The following ABLIM1 variants were observed in gnomAD, a reference collection of about 807,000 sequenced individuals.
ABLIM1 encodes the protein actin binding LIM protein 1.
A neutral mutation model predicts 107.0 loss-of-function variants in ABLIM1; 40 were observed. The observed-to-expected ratio is 0.37, with a 90% CI of 0.29 to 0.49. The LOEUF (loss-of-function observed/expected upper bound fraction) is 0.49, where lower values mean the gene tolerates loss of function less well. ABLIM1 is among the 20% of genes least tolerant of loss of function. ABLIM1 has a pLI of 0.97. For missense variants in ABLIM1, 857 were observed against 1,008.5 expected (o/e 0.85, Z 2.04); for synonymous variants, 357 against 357.3 (o/e 1.00, Z 0.01).
rs747877624 is a variant in ABLIM1, at chr10:114,658,106, G to A, written c.95C>T (p.Ser32Leu). The stretch of plus-strand genomic sequence containing the variant: ...CTCAACAATCAGTCTCTTTCTGTTC[G>A]AGCCCCTGGCACTGGTTCTCTCAGA... ...TSSERTSARGSNRKRLIVEDR... is the reference protein window; with the variant it reads ...TSSERTSARGLNRKRLIVEDR... Residue 32 changes from serine (S) to leucine (L), a missense_variant, in exon 1 of 23, where the codon TCG (serine) becomes TTG (leucine). Physicochemically the swap from Ser to Leu is moderately radical, Grantham distance 145. This residue lies in a region of ABLIM1 where 176 missense variants were observed against 173.5 expected (regional missense o/e 1.01). Coordinates refer to ENST00000533213, the MANE Select transcript of ABLIM1 (RefSeq NM_002313.7). 18 of 1,614,026 alleles carry A rather than the reference G, an allele frequency of 1.1e-5. No individual in the cohort carries two copies. Among genetic ancestry groups the A allele is most frequent in the East Asian group, 2.2e-5 (1 of 44,900 alleles).
chr10:114,566,787 G>A (rs747582525), intron 4 of ABLIM1, among the ~76,000 whole-genome samples: 1 of 152,148 alleles, frequency 6.6e-6, no homozygotes, highest in Non-Finnish European at 1.5e-5. Flanking sequence ...GGTGGCTCAC[G>A]CCTGTAATCC....
At chr10:114,452,234 TA>T (rs1293258060) in intron 13 of ABLIM1, among the ~76,000 whole-genome samples, 1 of 152,072 alleles carries the variant, frequency 6.6e-6, no homozygotes, top group East Asian at 1.9e-4. Flanking sequence ...CCAAATTTTT[TA>T]AAAAAAGAAT....
At chr10:114,490,498 A>G (rs1164380518) in intron 7 of ABLIM1, among the ~76,000 whole-genome samples, 1 of 152,260 alleles carries the variant, frequency 6.6e-6, no homozygotes, top group Non-Finnish European at 1.5e-5. Flanking sequence ...ATGTGCAAAG[A>G]GAAATCAAGA....
chr10:114,652,907 C>G (rs535301281), intron 1 of ABLIM1, among the ~76,000 whole-genome samples: 9 of 152,312 alleles, frequency 5.9e-5, no homozygotes, highest in African/African-American at 2.2e-4. Flanking sequence ...GAAATCTTTG[C>G]TAATTTTCCT....
At chr10:114,512,330 C>T (rs1201027241) in intron 6 of ABLIM1, among the ~76,000 whole-genome samples, 3 of 152,234 alleles carry the variant, frequency 2.0e-5, no homozygotes, top group African/African-American at 4.8e-5. Flanking sequence ...GACCAGTCTG[C>T]AGAGAAGCCA....
the ABLIM1 span, among the ~76,000 whole-genome samples, chr10:114,788,139 G>T: frequency 1.3e-5 from 2 of 151,512 alleles, no homozygotes; most frequent in African/African-American, 4.9e-5. Flanking sequence ...CAGCATGCTC[G>T]TTAAGAGTCA....
chr10:114,704,049 T>C (rs1410160248), intron 1 of ABLIM1, among the ~76,000 whole-genome samples: 1 of 152,124 alleles, frequency 6.6e-6, no homozygotes, highest in Non-Finnish European at 1.5e-5. Context: ...ATACTGGACT[T>C]ACACTCTCAT....
At chr10:114,639,650 T>C (rs1278764233) in intron 1 of ABLIM1, among the ~76,000 whole-genome samples, 1 of 152,228 alleles carries the variant, frequency 6.6e-6, no homozygotes, top group Non-Finnish European at 1.5e-5. Flanking sequence ...ACCTGCAGCG[T>C]TGCATAGGTT....
chr10:114,631,248 G>A (rs893269104), intron 1 of ABLIM1, among the ~76,000 whole-genome samples: 5 of 152,128 alleles, frequency 3.3e-5, no homozygotes, highest in African/African-American at 9.7e-5. Flanking sequence ...TCAGGACCAC[G>A]CCTAGTGCAT....
chr10:114,455,432 A>G (rs1361620965), intron 12 of ABLIM1, among the ~76,000 whole-genome samples: 1 of 152,224 alleles, frequency 6.6e-6, no homozygotes, highest in Non-Finnish European at 1.5e-5. Flanking sequence ...ATGTTATCTC[A>G]TTTATCCCTC....
chr10:114,679,405 C>A (rs1273265084), intron 1 of ABLIM1, among the ~76,000 whole-genome samples: 2 of 152,144 alleles, frequency 1.3e-5, no homozygotes, highest in East Asian at 3.9e-4. Flanking sequence ...GAGGCCTAGG[C>A]GGGTGGATCA....
At chr10:114,729,486 TC>T (rs2142135065) in intron 1 of ABLIM1, among the ~76,000 whole-genome samples, 1 of 152,214 alleles carries the variant, frequency 6.6e-6, no homozygotes, top group Non-Finnish European at 1.5e-5. Context: ...ATTTGCACAG[TC>T]CAATTCCCAA....
chr10:114,743,733 G>A (rs77245483), intron 1 of ABLIM1, among the ~76,000 whole-genome samples: 1 of 152,184 alleles, frequency 6.6e-6, no homozygotes, highest in Non-Finnish European at 1.5e-5. Context: ...ACTGTCAGCT[G>A]TGGCTGCCTC....
upstream of ABLIM1, among the ~76,000 whole-genome samples, chr10:114,688,261 C>A (rs910251241): frequency 6.6e-6 from 1 of 152,178 alleles, no homozygotes; most frequent in Non-Finnish European, 1.5e-5. Flanking sequence ...AATGAAACTT[C>A]ATGAGCTTTT....
intron 1 of ABLIM1, among the ~76,000 whole-genome samples, chr10:114,667,140 T>TA (rs1460152573): frequency 6.6e-6 from 1 of 152,230 alleles, no homozygotes; most frequent in East Asian, 1.9e-4. Context: ...TAAACCCTCC[T>TA]ACTCACCAAG....
intron 10 of ABLIM1, among the ~76,000 whole-genome samples, chr10:114,469,905 T>G (rs1297955625): frequency 6.6e-6 from 1 of 152,230 alleles, no homozygotes; most frequent in East Asian, 1.9e-4. Context: ...GAATTTGCCC[T>G]TTTCCCCACA....
At chr10:114,696,848 T>A (rs1729666424) in intron 1 of ABLIM1, among the ~76,000 whole-genome samples, 1 of 152,174 alleles carries the variant, frequency 6.6e-6, no homozygotes, top group African/African-American at 2.4e-5. Context: ...TTAGGCTATT[T>A]TAACTACATT....
At chr10:114,580,444 C>T (rs1341567664) in intron 2 of ABLIM1, among the ~76,000 whole-genome samples, 1 of 152,082 alleles carries the variant, frequency 6.6e-6, no homozygotes, top group East Asian at 1.9e-4. Flanking sequence ...AACTCTCGGC[C>T]TCAAGTGATC....
chr10:114,745,565 C>T (rs1021434101), intron 1 of ABLIM1, among the ~76,000 whole-genome samples: 1 of 151,782 alleles, frequency 6.6e-6, no homozygotes, highest in Non-Finnish European at 1.5e-5. Context: ...CTGTCTCTAA[C>T]ATATATAAAA....
Sources: allele counts gnomAD v4.1 joint callset (sites outside exome capture counted in the v4.1 genomes callset), GRCh38; gene constraint gnomAD v4.1.1; regional missense constraint gnomAD v4.1.1; transcripts MANE v1.5; gene names NCBI Gene and HGNC (gene_info 2026-07-23, HGNC 2026-07-21).